The following TRPC3 variants were observed in gnomAD, a reference collection of about 807,000 sequenced individuals.
TRPC3 encodes short transient receptor potential channel 3.
A neutral mutation model predicts 90.9 loss-of-function variants in TRPC3; 54 were observed. That is an observed-to-expected ratio of 0.59 (90% CI 0.48 to 0.75). TRPC3 has a LOEUF of 0.75. Ranked by LOEUF, TRPC3 falls within the 30% of genes least tolerant of loss-of-function variation. The pLI, the probability that TRPC3 is intolerant of heterozygous loss-of-function variation, is 0.00. For missense variants in TRPC3, 918 were observed against 1,194.5 expected (o/e 0.77, Z 3.41); for synonymous variants, 424 against 450.9 (o/e 0.94, Z 0.75).
intron 3 of TRPC3, among the ~76,000 whole-genome samples, chr4:121,921,579 T>C (rs1430491943): frequency 6.6e-6 from 1 of 150,676 alleles, no homozygotes; most frequent in Non-Finnish European, 1.5e-5. Flanking sequence ...CAATATTGGC[T>C]TACAATTAGA....
chr4:121,932,488 G>T lies in TRPC3; in HGVS notation c.770C>A (p.Ala257Asp), dbSNP rs1291513421. ...EVVHMLLMKGARIERPHDYFC... is the reference protein window; with the variant it reads ...EVVHMLLMKGDRIERPHDYFC... ...ATAGTCGTGCGGCCGCTCGATCCTGGCACCCTTCATCAGCAGCATGTGCAC... is the reference window on the plus strand; with the variant it reads ...ATAGTCGTGCGGCCGCTCGATCCTGTCACCCTTCATCAGCAGCATGTGCAC... Residue 257 changes from alanine to aspartate, a missense_variant, in exon 2 of 12, where the codon GCC becomes GAC. Around this residue, in one of 4 missense-constraint regions of TRPC3, gnomAD observed 609 missense variants for 725.9 expected, o/e 0.84. Transcript: ENST00000379645. This position sits in a 1 kb window ranked among gnomAD's most constrained non-coding sequence, Gnocchi z 7.7. The T allele has an allele frequency of 1.9e-6, 3 of 1,614,090 alleles. No homozygotes were observed. Among genetic ancestry groups the T allele is most frequent in the Non-Finnish European group, 2.5e-6 (3 of 1,180,038 alleles).
chr4:121,880,958 CAAAA>C (rs111796135), intron 11 of TRPC3, among the ~76,000 whole-genome samples: 1 of 128,268 alleles, frequency 7.8e-6, no homozygotes. Flanking sequence ...CCTTTTGTGG[CAAAA>C]AAAAAAAAAA....
chr4:121,911,817 A>G (rs1578625722), intron 5 of TRPC3, 60 bp downstream of exon 5: 1 of 1,462,396 alleles, frequency 6.8e-7, no homozygotes, highest in East Asian at 2.4e-5. Context: ...ATAGAAAATG[A>G]CAATTATTTC....
At position 121,877,848 on chromosome 4, in the gene TRPC3, C is replaced by A. The variant is rs1274578142; in HGVS notation, c.*1888G>T. Among the ~76,000 whole-genome samples the A allele has an allele frequency of 2.7e-5, 4 of 149,238 alleles. No individual in the cohort carries two copies. Among genetic ancestry groups the A allele is most frequent in the East Asian group, 2.0e-4 (1 of 5,082 alleles). On this transcript the variant is annotated 3_prime_UTR_variant, in exon 12 of 12. Transcript: ENST00000379645. ...GGATACCATGAGGCTTATCTTCATA[C>A]TTCTCTGATCTTCAGATTCCAAGAA...
At chr4:121,915,982 T>C (rs1273272324) in intron 3 of TRPC3, among the ~76,000 whole-genome samples, 1 of 152,172 alleles carries the variant, frequency 6.6e-6, no homozygotes, top group Non-Finnish European at 1.5e-5. Flanking sequence ...CACTGTCTTC[T>C]AAAAAACAGA....
At chr4:121,935,247 G>T (rs1730089847) in intron 1 of TRPC3, among the ~76,000 whole-genome samples, 1 of 152,006 alleles carries the variant, frequency 6.6e-6, no homozygotes, top group Non-Finnish European at 1.5e-5. Flanking sequence ...ATGTTAAAAT[G>T]TATTTATTAG....
rs531997168 is a variant in TRPC3, at chr4:121,949,082, C to T, written c.215+2384G>A. Among the ~76,000 whole-genome samples the T allele has an allele frequency of 7.2e-5, 11 of 152,282 alleles. No homozygotes were observed. In the South Asian group the frequency reaches 2.3e-3, roughly 32 times the overall value. ...TTGAATTGAGACTCATGAAAACTGC[C>T]TTCCAATATCTTTTTTGGAATTCAT... On this transcript the variant is annotated intron_variant, in intron 1 of 11. Coordinates refer to ENST00000379645, the MANE Select transcript of TRPC3 (RefSeq NM_001130698.2).
intron 1 of TRPC3, among the ~76,000 whole-genome samples, chr4:121,945,470 T>C (rs1730450765): frequency 6.6e-6 from 1 of 152,192 alleles, no homozygotes; most frequent in Admixed American, 6.5e-5. Context: ...GTTGTTAAAA[T>C]AGTAAATCAT....
At chr4:121,940,440 A>T (rs973914926) in intron 1 of TRPC3, among the ~76,000 whole-genome samples, 2 of 152,212 alleles carry the variant, frequency 1.3e-5, no homozygotes, top group African/African-American at 4.8e-5. Flanking sequence ...AGATTACAGG[A>T]GCTACACGTT....
intron 2 of TRPC3, 87 bp from the exon 3 acceptor site, chr4:121,925,293 C>G: frequency 7.2e-7 from 1 of 1,392,560 alleles, no homozygotes; most frequent in Non-Finnish European, 9.6e-7. Flanking sequence ...AAAGGTATCC[C>G]TTCTTTTGGG....
At chr4:121,934,872 G>A (rs889640519) in intron 1 of TRPC3, among the ~76,000 whole-genome samples, 6 of 152,184 alleles carry the variant, frequency 3.9e-5, no homozygotes, top group Non-Finnish European at 8.8e-5. Flanking sequence ...CAACTAAAGG[G>A]GTCCCCAGAG....
chr4:121,932,041 T>C lies in TRPC3; in HGVS notation c.987+230A>G, dbSNP rs922575449. 1.3e-5 allele frequency among the ~76,000 whole-genome samples: 2 copies of C among 152,366 alleles called. No homozygotes were observed. Among genetic ancestry groups the C allele is most frequent in the South Asian group, 2.1e-4 (1 of 4,834 alleles). ...CCAACACAGAGCGGCACCATAATTA[T>C]AGCTCTCTGATCCAGAATACTGGAT... On this transcript the variant is annotated intron_variant, in intron 2 of 11. Coordinates refer to ENST00000379645, the MANE Select transcript of TRPC3 (RefSeq NM_001130698.2). The surrounding 1 kb of genome is among the most constrained non-coding windows in gnomAD (Gnocchi z 7.7).
At chr4:121,927,503 G>A (rs1729761477) in intron 2 of TRPC3, among the ~76,000 whole-genome samples, 2 of 152,176 alleles carry the variant, frequency 1.3e-5, no homozygotes, top group East Asian at 1.9e-4. Flanking sequence ...CATTGTATGT[G>A]TCCATATTAC....
chr4:121,894,555 GTTTTTTTT>G (rs374034360), intron 10 of TRPC3, among the ~76,000 whole-genome samples: 67 of 63,372 alleles, frequency 1.1e-3, no homozygotes, highest in African/African-American at 2.9e-3. Flanking sequence ...TACACATTCT[GTTTTTTTT>G]TTTTTTTTTT....
chr4:121,919,497 C>G (rs563281739), intron 3 of TRPC3, among the ~76,000 whole-genome samples: 6 of 152,254 alleles, frequency 3.9e-5, no homozygotes, highest in African/African-American at 1.4e-4. Context: ...TTGCTGAGTG[C>G]AAAATGCTCT....
chr4:121,915,237 G>T (rs1216982911), intron 3 of TRPC3, among the ~76,000 whole-genome samples: 1 of 152,130 alleles, frequency 6.6e-6, no homozygotes, highest in Non-Finnish European at 1.5e-5. Flanking sequence ...TTTCTCTGTG[G>T]AATCTGGGTG....
chr4:121,945,457 T>C lies in TRPC3; in HGVS notation c.215+6009A>G, dbSNP rs529152153. 1.1e-4 allele frequency among the ~76,000 whole-genome samples: 17 copies of C among 152,274 alleles called. No homozygotes were observed. The South Asian group carries it at 2.9e-3, about 26-fold the overall frequency. ...ACAATATATAACGGTGGAAAGGAGA[T>C]GAGTTGTTAAAATAGTAAATCATTT... is the stretch of plus-strand genomic sequence containing the variant. On this transcript the variant is annotated intron_variant, in intron 1 of 11. Transcript: ENST00000379645.
At chr4:121,893,068 C>T (rs1728385183) in intron 10 of TRPC3, among the ~76,000 whole-genome samples, 1 of 150,146 alleles carries the variant, frequency 6.7e-6, no homozygotes, top group Non-Finnish European at 1.5e-5. Flanking sequence ...TTGCAGTGAG[C>T]CGAGATTGCA....
intron 2 of TRPC3, among the ~76,000 whole-genome samples, chr4:121,925,814 C>T (rs1329898156): frequency 6.6e-6 from 1 of 152,118 alleles, no homozygotes; most frequent in Non-Finnish European, 1.5e-5. Context: ...TAAATATATA[C>T]AATAATTATT....
Sources: gnomAD v4.1 joint callset for allele counts (sites outside exome capture counted in the v4.1 genomes callset) on GRCh38, gnomAD v4.1.1 for gene constraint, gnomAD v4.1.1 regional missense constraint, Gnocchi (gnomAD v3.1) non-coding constraint, MANE v1.5 for transcripts, NCBI Gene and HGNC (gene_info 2026-07-23, HGNC 2026-07-21) for gene names.